SUGP1: variants seen among roughly 807,000 people sequenced by gnomAD.
The protein encoded by SUGP1 is SURP and G-patch domain-containing protein 1.
In SUGP1, 34 loss-of-function variants were observed where a neutral mutation model predicts 76.5. The observed-to-expected ratio is 0.44, with a 90% CI of 0.34 to 0.59. The LOEUF is 0.59. Ranked by LOEUF, SUGP1 falls within the 20% of genes least tolerant of loss-of-function variation. The pLI is 0.01. For synonymous variants in SUGP1, 326 were observed against 326.2 expected (o/e 1.00, Z 0.01); for missense variants, 752 against 851.7 (o/e 0.88, Z 1.46).
chr19:19,318,815 G>A (rs2061413790), intron 1 of SUGP1, among the ~76,000 whole-genome samples: 2 of 152,120 alleles, frequency 1.3e-5, no homozygotes, highest in African/African-American at 4.8e-5. Flanking sequence ...GACCAGGGAG[G>A]CTCACTGGCT....
intron 8 of SUGP1, among the ~76,000 whole-genome samples, chr19:19,284,681 CGAA>C (rs1406426014): frequency 5.9e-5 from 9 of 152,154 alleles, no homozygotes; most frequent in African/African-American, 2.2e-4. Context: ...AAAAGCAAGG[CGAA>C]GGAGCGAAAG....
intron 9 of SUGP1, among the ~76,000 whole-genome samples, chr19:19,279,934 G>A (rs908870340): frequency 5.9e-5 from 9 of 152,224 alleles, no homozygotes; most frequent in Non-Finnish European, 1.2e-4. Context: ...ACAGACCACC[G>A]GGGCCGCCCC....
At chr19:19,295,437 T>C (rs1013821045) in intron 8 of SUGP1, among the ~76,000 whole-genome samples, 1 of 151,590 alleles carries the variant, frequency 6.6e-6, no homozygotes, top group African/African-American at 2.4e-5. Flanking sequence ...ACCCCCTCTC[T>C]ACTAAAAATA....
intron 8 of SUGP1, among the ~76,000 whole-genome samples, chr19:19,283,645 A>C (rs966000997): frequency 6.6e-6 from 1 of 152,180 alleles, no homozygotes; most frequent in Non-Finnish European, 1.5e-5. Context: ...TAGTAGAGAC[A>C]GGTTTCAGCA....
At chr19:19,285,856 T>C (rs1211107703) in intron 8 of SUGP1, among the ~76,000 whole-genome samples, 6 of 152,166 alleles carry the variant, frequency 3.9e-5, no homozygotes, top group Non-Finnish European at 8.8e-5. Flanking sequence ...TGAGCTACCG[T>C]ACCCGGCCAA....
chr19:19,294,510 C>CAAAAAA (rs58011841), intron 8 of SUGP1, among the ~76,000 whole-genome samples: 2 of 90,436 alleles, frequency 2.2e-5, no homozygotes, highest in Non-Finnish European at 2.2e-5. Flanking sequence ...GAGTGAGACT[C>CAAAAAA]AAAAAAAAAA....
chr19:19,316,812 T>C (rs1051134920), intron 1 of SUGP1, among the ~76,000 whole-genome samples: 1 of 152,120 alleles, frequency 6.6e-6, no homozygotes, highest in African/African-American at 2.4e-5. Flanking sequence ...GGGACTCGCT[T>C]CAGGCTGGGA....
intron 3 of SUGP1, among the ~76,000 whole-genome samples, chr19:19,308,926 G>C (rs1021291208): frequency 6.6e-6 from 1 of 152,106 alleles, no homozygotes; most frequent in Admixed American, 6.5e-5. Context: ...GAGTGCAATG[G>C]CATGATCTTG....
chr19:19,295,379 C>T (rs547212224), intron 8 of SUGP1, among the ~76,000 whole-genome samples: 1 of 151,782 alleles, frequency 6.6e-6, no homozygotes, highest in Non-Finnish European at 1.5e-5. Context: ...CTAAGGCAGG[C>T]GGATCATGAG....
At chr19:19,318,739 A>G (rs1170200997) in intron 1 of SUGP1, among the ~76,000 whole-genome samples, 1 of 152,148 alleles carries the variant, frequency 6.6e-6, no homozygotes, top group Non-Finnish European at 1.5e-5. Context: ...CAATATCCAC[A>G]GGGTCGTTTT....
At chr19:19,318,413 C>A (rs1482373389) in intron 1 of SUGP1, among the ~76,000 whole-genome samples, 1 of 152,066 alleles carries the variant, frequency 6.6e-6, no homozygotes, top group African/African-American at 2.4e-5. Flanking sequence ...AGCCACCACA[C>A]CCAGCCGTTT....
intron 8 of SUGP1, among the ~76,000 whole-genome samples, chr19:19,291,738 C>G (rs572414503): frequency 6.6e-6 from 1 of 151,738 alleles, no homozygotes; most frequent in East Asian, 1.9e-4. Flanking sequence ...AAAAAAAATA[C>G]AAAAAATTAG....
intron 8 of SUGP1, among the ~76,000 whole-genome samples, chr19:19,289,319 G>C (rs1218752922): frequency 2.0e-5 from 3 of 152,014 alleles, no homozygotes; most frequent in Admixed American, 1.3e-4. Flanking sequence ...GTGTCATACA[G>C]GGCCGGGCAT....
chr19:19,297,737 G>T (rs547862396), intron 7 of SUGP1, among the ~76,000 whole-genome samples: 3 of 152,320 alleles, frequency 2.0e-5, no homozygotes, highest in African/African-American at 7.2e-5. Context: ...CAGGGCAGAG[G>T]GACTTGTCTT....
chr19:19,312,043 A>C (rs1182073960), intron 2 of SUGP1, among the ~76,000 whole-genome samples: 1 of 152,136 alleles, frequency 6.6e-6, no homozygotes, highest in Non-Finnish European at 1.5e-5. Flanking sequence ...AACTGAAATA[A>C]GCCTAGGCAA....
At chr19:19,302,569 C>T in intron 6 of SUGP1, 181 bp from the exon 7 acceptor site, 1 of 858,620 alleles carries the variant, frequency 1.2e-6, no homozygotes, top group East Asian at 2.8e-5. Flanking sequence ...ACCTCAAGCC[C>T]CCACCCCCGA....
intron 12 of SUGP1, 62 bp from the exon 13 acceptor site, chr19:19,277,138 C>T (rs919803108): frequency 5.8e-6 from 9 of 1,553,388 alleles, no homozygotes; most frequent in Middle Eastern, 1.7e-4. Flanking sequence ...GGGGGCCGGG[C>T]ACAGCTGGGC....
chr19:19,291,316 T>C (rs962997637), intron 8 of SUGP1, among the ~76,000 whole-genome samples: 5 of 152,066 alleles, frequency 3.3e-5, no homozygotes, highest in African/African-American at 1.2e-4. Flanking sequence ...AGTTGGTTCT[T>C]TGAAAAGATC....
chr19:19,291,308 T>A (rs1847604016), intron 8 of SUGP1, among the ~76,000 whole-genome samples: 1 of 152,090 alleles, frequency 6.6e-6, no homozygotes, highest in Admixed American at 6.6e-5. Flanking sequence ...AAACCACAAG[T>A]TGGTTCTTTG....
Sources: gnomAD v4.1 joint callset for allele counts (sites outside exome capture counted in the v4.1 genomes callset) on GRCh38, gnomAD v4.1.1 for gene constraint, MANE v1.5 for transcripts, NCBI Gene and HGNC (gene_info 2026-07-23, HGNC 2026-07-21) for gene names.